The following SBF2 variants were observed in gnomAD, a reference collection of about 807,000 sequenced individuals.
SBF2 encodes myotubularin-related protein 13.
SBF2 carries 112 observed loss-of-function variants against 225.2 expected under a neutral mutation model. The ratio of observed to expected loss-of-function variants is 0.50; its 90% CI spans 0.43 to 0.58. The LOEUF is 0.58. Ranked by LOEUF, SBF2 falls within the 20% of genes least tolerant of loss-of-function variation. The pLI is 0.00. For synonymous variants in SBF2, 763 were observed against 773.3 expected (o/e 0.99, Z 0.22); for missense variants, 1,996 against 2,206.2 (o/e 0.90, Z 1.91).
intron 25 of SBF2, among the ~76,000 whole-genome samples, chr11:9,840,170 G>A (rs1856020358): frequency 6.6e-6 from 1 of 151,654 alleles, no homozygotes. Flanking sequence ...GGAGGTGGAG[G>A]TTGCAGTGAG....
At chr11:9,835,060 T>C (rs1855648078) in intron 26 of SBF2, among the ~76,000 whole-genome samples, 1 of 152,214 alleles carries the variant, frequency 6.6e-6, no homozygotes, top group African/African-American at 2.4e-5. Flanking sequence ...ACCAGTCTCA[T>C]TTCGTAATGA....
chr11:9,899,380 T>C (rs1333173714), intron 16 of SBF2, among the ~76,000 whole-genome samples: 4 of 149,664 alleles, frequency 2.7e-5, no homozygotes, highest in African/African-American at 9.9e-5. Flanking sequence ...GGTGCATGCA[T>C]GTAGTCCCAG....
intron 16 of SBF2, among the ~76,000 whole-genome samples, chr11:9,905,447 C>T (rs1051314141): frequency 3.9e-5 from 6 of 152,138 alleles, no homozygotes; most frequent in Non-Finnish European, 7.3e-5. Context: ...CTTTGAATAA[C>T]GATTTTCATT....
rs547204654 is a variant in SBF2 at position 9,892,617 on chromosome 11, T to C, written c.1929+3326A>G. On this transcript the variant is annotated intron_variant, in intron 17 of 39. Transcript: ENST00000256190. Reference sequence around the variant, plus strand: ...TCTTGTTGCCCAGGCTGGAGTACAATGGTGCGCTCTCGGTTCATGGCAACC... The same window carrying C: ...TCTTGTTGCCCAGGCTGGAGTACAACGGTGCGCTCTCGGTTCATGGCAACC... 5.9e-5 allele frequency among the ~76,000 whole-genome samples: 9 copies of C among 151,876 alleles called. No individual in the cohort carries two copies. In the South Asian group the frequency reaches 1.7e-3, roughly 28 times the overall value.
Position 9,964,271 on chromosome 11 carries a change from G to C in SBF2, c.1601-389C>G, listed in dbSNP as rs548528329. ...TCTTATTAGAAAACAAACAAAAACT[G>C]TTGATATGACCTACACCTTATTTTT... On this transcript the variant is annotated intron_variant, in intron 14 of 39. Coordinates refer to ENST00000256190, the MANE Select transcript of SBF2 (RefSeq NM_030962.4). Among the ~76,000 whole-genome samples the C allele has an allele frequency of 2.3e-4, 35 of 152,056 alleles. No homozygotes were observed. In the South Asian group the frequency reaches 6.8e-3, roughly 30 times the overall value.
At chr11:10,166,990 A>ACACACACACACACACACACACAC (rs1282714502) in intron 2 of SBF2, among the ~76,000 whole-genome samples, 177 of 146,068 alleles carry the variant, frequency 1.2e-3, no homozygotes, top group East Asian at 0.011. Context: ...CACACACACA[A>ACACACACACACACACACACACAC]AAAGGCTACT....
At chr11:9,946,453 CTTT>C (rs140447383) in intron 16 of SBF2, among the ~76,000 whole-genome samples, 1 of 142,654 alleles carries the variant, frequency 7.0e-6, no homozygotes. Context: ...TTCTTTCTTT[CTTT>C]TTTTTTTTTT....
At chr11:10,085,948 T>C (rs1416099627) in intron 2 of SBF2, among the ~76,000 whole-genome samples, 2 of 150,486 alleles carry the variant, frequency 1.3e-5, no homozygotes, top group African/African-American at 2.4e-5. Context: ...ATTAATAGTA[T>C]GTCAGCTGTC....
intron 16 of SBF2, among the ~76,000 whole-genome samples, chr11:9,920,217 T>TACAC (rs1296093793): frequency 6.6e-6 from 1 of 151,266 alleles, no homozygotes; most frequent in African/African-American, 2.4e-5. Flanking sequence ...TATATATATA[T>TACAC]ATACACACAC....
At chr11:10,227,103 T>G (rs1958600702) in intron 1 of SBF2, among the ~76,000 whole-genome samples, 1 of 152,180 alleles carries the variant, frequency 6.6e-6, no homozygotes, top group African/African-American at 2.4e-5. Context: ...TCATGTGTTT[T>G]TTGGCTGCAT....
intron 32 of SBF2, among the ~76,000 whole-genome samples, chr11:9,801,649 T>C (rs1853496537): frequency 6.6e-6 from 1 of 152,252 alleles, no homozygotes; most frequent in Non-Finnish European, 1.5e-5. Context: ...GTGTGCTTTG[T>C]GTTACATCCT....
intron 16 of SBF2, among the ~76,000 whole-genome samples, chr11:9,952,432 CAG>C (rs1865912909): frequency 6.6e-6 from 1 of 152,174 alleles, no homozygotes; most frequent in East Asian, 1.9e-4. Context: ...CTTCTGCTCG[CAG>C]AGATACCTGA....
intron 1 of SBF2, among the ~76,000 whole-genome samples, chr11:10,258,174 AC>A (rs1230102879): frequency 6.6e-6 from 1 of 151,718 alleles, no homozygotes; most frequent in Non-Finnish European, 1.5e-5. Flanking sequence ...GTGCGATCAA[AC>A]CTCATTGCAT....
chr11:9,954,407 T>C (rs1866032386), intron 16 of SBF2, among the ~76,000 whole-genome samples: 1 of 152,212 alleles, frequency 6.6e-6, no homozygotes, highest in Non-Finnish European at 1.5e-5. Flanking sequence ...GATAAGTACG[T>C]TGTTGCATCA....
intron 2 of SBF2, among the ~76,000 whole-genome samples, chr11:10,181,294 C>T (rs1180759224): frequency 1.3e-5 from 2 of 152,050 alleles, no homozygotes; most frequent in Admixed American, 6.5e-5. Context: ...CTACATAACA[C>T]TGAGCAAGCT....
intron 35 of SBF2, chr11:9,788,002 A>C (rs1852486379): frequency 6.1e-6 from 3 of 492,160 alleles, no homozygotes; most frequent in Non-Finnish European, 1.1e-5. Flanking sequence ...TAGGATGTGA[A>C]ATATGTATCT....
At chr11:10,204,931 T>A (rs1957700824) in intron 1 of SBF2, among the ~76,000 whole-genome samples, 1 of 151,334 alleles carries the variant, frequency 6.6e-6, no homozygotes, top group Non-Finnish European at 1.5e-5. Flanking sequence ...TGTCGCATGT[T>A]CCCACTTGTA....
chr11:9,845,607 T>A lies in SBF2; in HGVS notation c.3068A>T (p.Gln1023Leu). 6.2e-7 allele frequency: 1 copy of A among 1,613,974 alleles called. No homozygotes were observed. Among genetic ancestry groups the A allele is most frequent in the Non-Finnish European group, 8.5e-7 (1 of 1,179,840 alleles). ...TTCCTTCTGTTTTGGTAAAATTATTTGTGGGGTAGTTTGTCCAGCAGCAAA... is the reference window on the plus strand; with the variant it reads ...TTCCTTCTGTTTTGGTAAAATTATTAGTGGGGTAGTTTGTCCAGCAGCAAA... ...FAFAAGQTTP[Q>L]IILPKQKEKN... Residue 1023 changes from glutamine (Q) to leucine (L), a missense_variant, in exon 24 of 40, where the codon CAA becomes CTA. Physicochemically the swap from Gln to Leu is moderately radical, Grantham distance 113. Coordinates refer to ENST00000256190, the MANE Select transcript of SBF2 (RefSeq NM_030962.4).
At chr11:10,092,734 G>A (rs1951833395) in intron 2 of SBF2, among the ~76,000 whole-genome samples, 1 of 152,126 alleles carries the variant, frequency 6.6e-6, no homozygotes, top group Non-Finnish European at 1.5e-5. Context: ...TAAAATAAAG[G>A]GATGACACAT....
Sources: allele counts gnomAD v4.1 joint callset (sites outside exome capture counted in the v4.1 genomes callset), GRCh38; gene constraint gnomAD v4.1.1; transcripts MANE v1.5; gene names NCBI Gene and HGNC (gene_info 2026-07-23, HGNC 2026-07-21).